ABI2: variants seen among roughly 807,000 people sequenced by gnomAD.
The protein encoded by ABI2 is abl interactor 2.
A neutral mutation model predicts 59.2 loss-of-function variants in ABI2; 25 were observed. That is an observed-to-expected ratio of 0.42 (90% CI 0.31 to 0.59). The LOEUF is 0.59. Ranked by LOEUF, ABI2 falls within the 20% of genes least tolerant of loss-of-function variation. ABI2 has a pLI of 0.14. For missense variants in ABI2, 545 were observed against 681.8 expected (o/e 0.80, Z 2.23); for synonymous variants, 213 against 235.5 (o/e 0.90, Z 0.87).
chr2:203,427,451 T>A lies in ABI2; in HGVS notation c.*99T>A, dbSNP rs928490627. 5 of 1,082,110 alleles carry A rather than the reference T, an allele frequency of 4.6e-6. No homozygotes were observed. In the Admixed American group the frequency reaches 1.2e-4, roughly 25 times the overall value. 67.0% of individuals were successfully genotyped at this position (1,082,110 alleles called of 1,614,324 possible). A position where few individuals can be genotyped will look rare whatever the true frequency, so the allele number is the denominator to read the frequency against. ...CACTCCAGTAAAGTAGAATGAAGGA[T>A]ACAAATGATAAAAATTACACTTTTT... On this transcript the variant is annotated 3_prime_UTR_variant, in exon 12 of 12. Coordinates refer to ENST00000261018, the MANE Select transcript of ABI2 (RefSeq NM_001375670.1).
intron 4 of ABI2, among the ~76,000 whole-genome samples, chr2:203,385,015 AG>A (rs1273982129): frequency 6.6e-6 from 1 of 151,388 alleles, no homozygotes; most frequent in Non-Finnish European, 1.5e-5. Context: ...GTGTACTTTT[AG>A]TAGAGACAGG....
At chr2:203,410,929 A>C (rs2153506482) in intron 9 of ABI2, among the ~76,000 whole-genome samples, 1 of 151,588 alleles carries the variant, frequency 6.6e-6, no homozygotes, top group South Asian at 2.1e-4. Context: ...GCATGATGTT[A>C]ATGATATGAA....
intron 1 of ABI2, among the ~76,000 whole-genome samples, chr2:203,345,738 G>A (rs1292001324): frequency 1.3e-5 from 2 of 151,762 alleles, no homozygotes; most frequent in African/African-American, 4.8e-5. Flanking sequence ...TAGAGACGGG[G>A]TTTCACCACA....
At chr2:203,361,859 T>TA (rs1293457736) in intron 1 of ABI2, among the ~76,000 whole-genome samples, 2 of 152,234 alleles carry the variant, frequency 1.3e-5, no homozygotes, top group Non-Finnish European at 2.9e-5. Context: ...GTGTCTGTGC[T>TA]AAGTTTGCAG....
intron 8 of ABI2, among the ~76,000 whole-genome samples, chr2:203,400,336 G>A (rs942805189): frequency 2.0e-5 from 3 of 151,744 alleles, no homozygotes; most frequent in Non-Finnish European, 4.4e-5. Context: ...TGATCCACCC[G>A]CCTCCACCTC....
chr2:203,332,398 A>G (rs1337374738), intron 1 of ABI2, among the ~76,000 whole-genome samples: 2 of 151,978 alleles, frequency 1.3e-5, no homozygotes, highest in African/African-American at 4.8e-5. Flanking sequence ...AGGCCGAGGC[A>G]GGCACATCAC....
Position 203,417,307 on chromosome 2 carries a change from G to A in ABI2, c.1453+226G>A, listed in dbSNP as rs189681030. 4.7e-3 allele frequency among the ~76,000 whole-genome samples: 721 copies of A among 152,214 alleles called. 10 individuals carry two copies. The highest frequency in any genetic ancestry group is 0.016 in the African/African-American group (685 of 41,540). ...ATGGTTATCTATATTGTTCCTATTG[G>A]ACATGCTTTTTATGAATGGTTTCTA... On this transcript the variant is annotated intron_variant, in intron 11 of 11. Transcript: ENST00000261018.
At chr2:203,351,143 G>A (rs933999342) in intron 1 of ABI2, among the ~76,000 whole-genome samples, 5 of 151,934 alleles carry the variant, frequency 3.3e-5, no homozygotes, top group South Asian at 2.1e-4. Flanking sequence ...TGGCATCTTC[G>A]TCAAAAATTA....
At chr2:203,401,318 C>T (rs1282718712) in intron 8 of ABI2, among the ~76,000 whole-genome samples, 1 of 151,988 alleles carries the variant, frequency 6.6e-6, no homozygotes, top group Non-Finnish European at 1.5e-5. Flanking sequence ...TTCCTGTCCC[C>T]TTTCCGCTTT....
chr2:203,352,671 A>G (rs571034438), intron 1 of ABI2, among the ~76,000 whole-genome samples: 1 of 152,376 alleles, frequency 6.6e-6, no homozygotes, highest in South Asian at 2.1e-4. Context: ...TGAGGTAAAA[A>G]TTACAGTAAA....
Position 203,395,636 on chromosome 2 carries a change from G to C in ABI2, c.726-20G>C. 6.3e-7 allele frequency: 1 copy of C among 1,599,268 alleles called. No individual in the cohort carries two copies. Among genetic ancestry groups the C allele is most frequent in the Non-Finnish European group, 8.5e-7 (1 of 1,173,538 alleles). On this transcript the variant is annotated intron_variant, in intron 6 of 11. Coordinates refer to ENST00000261018, the MANE Select transcript of ABI2 (RefSeq NM_001375670.1). ...TACTGTTTATAAATACTCATGTTTTGGTGGCTCTTATTTCTTTAGCAGCAG... is the reference window on the plus strand; with the variant it reads ...TACTGTTTATAAATACTCATGTTTTCGTGGCTCTTATTTCTTTAGCAGCAG...
At chr2:203,425,492 G>A (rs539868801) in intron 11 of ABI2, among the ~76,000 whole-genome samples, 2 of 152,172 alleles carry the variant, frequency 1.3e-5, no homozygotes, top group African/African-American at 4.8e-5. Context: ...GTAAGCTACC[G>A]CACCTGGCTG....
intron 1 of ABI2, chr2:203,355,299 G>A: frequency 3.9e-6 from 1 of 257,268 alleles, no homozygotes; most frequent in Admixed American, 3.7e-5. Context: ...TGGAGCTCAG[G>A]TGGGAAGACT....
chr2:203,340,231 G>T (rs1176355620), intron 1 of ABI2, among the ~76,000 whole-genome samples: 2 of 152,220 alleles, frequency 1.3e-5, no homozygotes, highest in African/African-American at 4.8e-5. Flanking sequence ...AGGGCCGTTG[G>T]GAGGTGGGGA....
At chr2:203,334,460 G>A (rs1187096904) in intron 1 of ABI2, among the ~76,000 whole-genome samples, 1 of 152,032 alleles carries the variant, frequency 6.6e-6, no homozygotes. Flanking sequence ...CAGTTTCAGG[G>A]TGTGTAAGGT....
intron 5 of ABI2, among the ~76,000 whole-genome samples, chr2:203,393,568 A>C (rs2096857360): frequency 6.6e-6 from 1 of 152,186 alleles, no homozygotes. Context: ...TTAATTACCA[A>C]TGTATGTATT....
At chr2:203,364,266 G>A (rs988503549) in intron 1 of ABI2, among the ~76,000 whole-genome samples, 13 of 151,652 alleles carry the variant, frequency 8.6e-5, no homozygotes, top group African/African-American at 2.9e-4. Flanking sequence ...GCTAATTTTT[G>A]TATTTTTAGT....
At chr2:203,400,929 T>G (rs936887048) in intron 8 of ABI2, among the ~76,000 whole-genome samples, 1 of 152,232 alleles carries the variant, frequency 6.6e-6, no homozygotes, top group Non-Finnish European at 1.5e-5. Context: ...CTGCAGTGTT[T>G]GATCATGAAG....
chr2:203,419,648 A>T (rs1334942683), intron 11 of ABI2, among the ~76,000 whole-genome samples: 1 of 150,758 alleles, frequency 6.6e-6, no homozygotes, highest in Admixed American at 6.6e-5. Context: ...AAGTGCTGGG[A>T]TTACAGGCGT....
Sources: allele counts gnomAD v4.1 joint callset (sites outside exome capture counted in the v4.1 genomes callset), GRCh38; gene constraint gnomAD v4.1.1; transcripts MANE v1.5; gene names NCBI Gene and HGNC (gene_info 2026-07-23, HGNC 2026-07-21).